NEGR1: variants seen among roughly 807,000 people sequenced by gnomAD.
NEGR1 encodes neuronal growth regulator 1.
A neutral mutation model predicts 40.9 loss-of-function variants in NEGR1; 10 were observed. The observed-to-expected ratio is 0.24, with a 90% CI of 0.15 to 0.42. The LOEUF is 0.42. Among genes scored for constraint, NEGR1 ranks in the 10% least tolerant of loss-of-function variants. NEGR1 has a pLI of 1.00. For synonymous variants in NEGR1, 185 were observed against 166.8 expected (o/e 1.11, Z -0.84); for missense variants, 352 against 438.9 (o/e 0.80, Z 1.77).
At chr1:72,062,232 T>A (rs971883572) in intron 1 of NEGR1, among the ~76,000 whole-genome samples, 1 of 151,810 alleles carries the variant, frequency 6.6e-6, no homozygotes, top group East Asian at 1.9e-4. Flanking sequence ...TGGAAGTTTT[T>A]CCCAGTTTCT....
intron 6 of NEGR1, chr1:71,476,759 A>G (rs1646823935): frequency 6.6e-6 from 1 of 152,096 alleles, no homozygotes; most frequent in Non-Finnish European, 1.5e-5. Flanking sequence ...CATGTTATAT[A>G]TTAATACTGG....
chr1:71,705,418 A>G (rs1305996400), intron 3 of NEGR1, among the ~76,000 whole-genome samples: 2 of 152,254 alleles, frequency 1.3e-5, no homozygotes, highest in Non-Finnish European at 2.9e-5. Flanking sequence ...ACATTTTATA[A>G]AAACAAAAAC....
intron 1 of NEGR1, among the ~76,000 whole-genome samples, chr1:72,069,242 T>C (rs1282998407): frequency 2.0e-5 from 3 of 151,846 alleles, no homozygotes; most frequent in African/African-American, 7.3e-5. Context: ...AAACCCCGTC[T>C]CTACTAAAAA....
chr1:71,544,884 G>T (rs1647836420), intron 6 of NEGR1, among the ~76,000 whole-genome samples: 2 of 151,642 alleles, frequency 1.3e-5, no homozygotes, highest in African/African-American at 4.8e-5. Flanking sequence ...TGTTAATTCT[G>T]CAGCCTTGAG....
At chr1:71,959,996 T>A (rs1020333936) in intron 1 of NEGR1, among the ~76,000 whole-genome samples, 2 of 152,146 alleles carry the variant, frequency 1.3e-5, no homozygotes, top group East Asian at 1.9e-4. Context: ...ATCATATAAA[T>A]GATAACAAAT....
At chr1:71,748,642 C>T (rs1403023649) in intron 3 of NEGR1, among the ~76,000 whole-genome samples, 1 of 151,952 alleles carries the variant, frequency 6.6e-6, no homozygotes, top group Non-Finnish European at 1.5e-5. Flanking sequence ...TTTTAGTTAG[C>T]TAATGCCAAT....
chr1:72,161,676 C>CTTTTTTTTTTTTTTT (rs779074685), intron 1 of NEGR1, among the ~76,000 whole-genome samples: 10 of 84,556 alleles, frequency 1.2e-4, no homozygotes, highest in East Asian at 3.7e-4. Context: ...TTCTTTCTTT[C>CTTTTTTTTTTTTTTT]TTTTTTTTTT....
intron 1 of NEGR1, among the ~76,000 whole-genome samples, chr1:72,230,002 C>T (rs1196005941): frequency 6.6e-6 from 1 of 152,068 alleles, no homozygotes; most frequent in Non-Finnish European, 1.5e-5. Flanking sequence ...ATCACTGGTT[C>T]AGTGGGAGTT....
chr1:71,435,170 A>G (rs751153914), intron 6 of NEGR1, among the ~76,000 whole-genome samples: 1 of 152,168 alleles, frequency 6.6e-6, no homozygotes, highest in Non-Finnish European at 1.5e-5. Flanking sequence ...AAAACGTTGT[A>G]CTTTTTGCAA....
intron 2 of NEGR1, among the ~76,000 whole-genome samples, chr1:71,923,326 G>A (rs1299726641): frequency 1.3e-5 from 2 of 151,458 alleles, no homozygotes; most frequent in African/African-American, 4.9e-5. Flanking sequence ...ATATGTTGAG[G>A]CCAGGGCACC....
In NEGR1 at chr1:71,806,896, TTG is replaced by T. The variant is rs1292842473; in HGVS notation, c.410-30601_410-30600del. Among the ~76,000 whole-genome samples the T allele has an allele frequency of 3.5e-3, 507 of 143,704 alleles. 31 individuals carry two copies. The highest frequency in any genetic ancestry group is 0.012 in the African/African-American group (464 of 38,156). 94.3% of individuals were successfully genotyped at this position (143,704 alleles called of 152,430 possible). A position where few individuals can be genotyped will look rare whatever the true frequency, so the allele number is the denominator to read the frequency against. Reference sequence around the variant, plus strand: ...CGCAAACATGTCGATCTGTTTTTTTTTGTTTTTTTTTTTTGAGATGGAGTCTC... The same window carrying T: ...CGCAAACATGTCGATCTGTTTTTTTTTTTTTTTTTTTTGAGATGGAGTCTC... On this transcript the variant is annotated intron_variant, in intron 2 of 6. Transcript: ENST00000357731.
At chr1:71,542,439 GAA>G (rs368255323) in intron 6 of NEGR1, among the ~76,000 whole-genome samples, 94 of 151,816 alleles carry the variant, frequency 6.2e-4, no homozygotes, top group African/African-American at 1.8e-3. Flanking sequence ...GACAGGGCAT[GAA>G]CAGAGAGGTA....
intron 2 of NEGR1, among the ~76,000 whole-genome samples, chr1:71,867,157 T>A (rs1421728127): frequency 6.6e-6 from 1 of 152,094 alleles, no homozygotes; most frequent in Non-Finnish European, 1.5e-5. Context: ...GTTTGAGACT[T>A]GAGGTCAGGA....
intron 6 of NEGR1, among the ~76,000 whole-genome samples, chr1:71,460,245 G>C (rs1646705238): frequency 6.6e-6 from 1 of 152,168 alleles, no homozygotes; most frequent in African/African-American, 2.4e-5. Flanking sequence ...TAGTGTTGTT[G>C]ACATCGGTCC....
At chr1:71,847,870 T>G (rs35067552) in intron 2 of NEGR1, among the ~76,000 whole-genome samples, 1 of 152,104 alleles carries the variant, frequency 6.6e-6, no homozygotes, top group African/African-American at 2.4e-5. Context: ...AAAGCCAAGA[T>G]AGGCTGAAAC....
chr1:71,864,311 T>TAA, intron 2 of NEGR1, among the ~76,000 whole-genome samples: 1 of 152,154 alleles, frequency 6.6e-6, no homozygotes, highest in Non-Finnish European at 1.5e-5. Context: ...TAAGGAAGGT[T>TAA]TGTCCTGCTC....
intron 1 of NEGR1, among the ~76,000 whole-genome samples, chr1:72,161,413 C>A (rs1237925635): frequency 6.6e-6 from 1 of 151,800 alleles, no homozygotes; most frequent in African/African-American, 2.4e-5. Flanking sequence ...GGAGATTTTG[C>A]CCCCCAGGGG....
At chr1:72,051,365 T>C (rs1647058655) in intron 1 of NEGR1, among the ~76,000 whole-genome samples, 1 of 151,468 alleles carries the variant, frequency 6.6e-6, no homozygotes, top group South Asian at 2.1e-4. Context: ...AAGCATACAT[T>C]GTGAAGCAAA....
intron 1 of NEGR1, among the ~76,000 whole-genome samples, chr1:71,991,387 C>T (rs1295252002): frequency 6.6e-6 from 1 of 152,150 alleles, no homozygotes; most frequent in East Asian, 1.9e-4. Context: ...CTACTCCCTC[C>T]CACCAATAGC....
Sources: gnomAD v4.1 joint callset for allele counts (sites outside exome capture counted in the v4.1 genomes callset) on GRCh38, gnomAD v4.1.1 for gene constraint, MANE v1.5 for transcripts, NCBI Gene and HGNC (gene_info 2026-07-23, HGNC 2026-07-21) for gene names.